TRIM71: variants seen among roughly 807,000 people sequenced by gnomAD.
TRIM71 encodes E3 ubiquitin-protein ligase TRIM71.
Under a neutral mutation model 61.2 loss-of-function variants are expected in TRIM71, and 9 were observed. The ratio of observed to expected loss-of-function variants is 0.15; its 90% confidence interval spans 0.09 to 0.26. The LOEUF is 0.26. Ranked by LOEUF, TRIM71 falls within the 10% of genes least tolerant of loss-of-function variation. The probability of loss-of-function intolerance (pLI) is 1.00; values close to 1 mark genes in which losing one functional copy is unlikely to be tolerated. For synonymous variants in TRIM71, 645 were observed against 553.2 expected (o/e 1.17, Z -2.33); for missense variants, 998 against 1,238.7 (o/e 0.81, Z 2.92).
At position 32,891,930 on chromosome 3, in the gene TRIM71, T is replaced by C. The variant is rs905254250; in HGVS notation, c.*119T>C. The C allele has an allele frequency of 1.4e-6, 2 of 1,392,674 alleles. No homozygotes were observed. Among genetic ancestry groups the C allele is most frequent in the Middle Eastern group, 2.6e-4 (1 of 3,856 alleles). 86.3% of individuals were successfully genotyped at this position (1,392,674 alleles called of 1,614,324 possible). A position where few individuals can be genotyped will look rare whatever the true frequency, so the allele number is the denominator to read the frequency against. On this transcript the variant is annotated 3_prime_UTR_variant, in exon 4 of 4. Transcript: ENST00000383763. This position sits in a 1 kb window ranked among gnomAD's most constrained non-coding sequence, Gnocchi z 8.2. ...AAGAAACAGTCTCAGGGAAATTTCTTTTTTCTTTTTTTTTTTTAAAGAGAA... is the reference window on the plus strand; with the variant it reads ...AAGAAACAGTCTCAGGGAAATTTCTCTTTTCTTTTTTTTTTTTAAAGAGAA...
At chr3:32,837,078 A>G (rs1005995289) in intron 1 of TRIM71, among the ~76,000 whole-genome samples, 4 of 147,018 alleles carry the variant, frequency 2.7e-5, no homozygotes, top group African/African-American at 7.4e-5. Flanking sequence ...AACACAGGCA[A>G]ACTTGAAGTA....
intron 3 of TRIM71, among the ~76,000 whole-genome samples, chr3:32,886,816 T>C (rs1696967526): frequency 6.6e-6 from 1 of 152,206 alleles, no homozygotes; most frequent in Non-Finnish European, 1.5e-5. Flanking sequence ...CAAGTGAACT[T>C]TGCTAACTAC....
intron 2 of TRIM71, among the ~76,000 whole-genome samples, chr3:32,876,799 G>A (rs1696856659): frequency 6.6e-6 from 1 of 152,142 alleles, no homozygotes; most frequent in South Asian, 2.1e-4. Context: ...ATTAAGGAGA[G>A]CACCAACAAA....
chr3:32,831,796 C>T (rs539542801), intron 1 of TRIM71, among the ~76,000 whole-genome samples: 1 of 152,152 alleles, frequency 6.6e-6, no homozygotes, highest in East Asian at 1.9e-4. Context: ...CTTGGCCTCC[C>T]GAAGTTCTTG....
At position 32,896,459 on chromosome 3, in the gene TRIM71, T is replaced by C. The variant is rs56239180; in HGVS notation, c.*4648T>C. 1 of 152,196 alleles carries C rather than the reference T, an allele frequency of 6.6e-6. No individual in the cohort carries two copies. The highest frequency in any genetic ancestry group is 2.4e-5 in the African/African-American group (1 of 41,442). The allele number at this position is 152,196 out of a possible 1,614,324, so 9.4% of individuals were successfully genotyped here. A position where few individuals can be genotyped will look rare whatever the true frequency, so the allele number is the denominator to read the frequency against. On this transcript the variant is annotated 3_prime_UTR_variant, in exon 4 of 4. Coordinates refer to ENST00000383763, the MANE Select transcript of TRIM71 (RefSeq NM_001039111.3). ...GTTGACGGGTTTTTTTTTTCCTTGT[T>C]TATTAAATACTTGATAAAGTTGAGA...
At chr3:32,835,357 AG>A (rs1696323073) in intron 1 of TRIM71, among the ~76,000 whole-genome samples, 1 of 152,164 alleles carries the variant, frequency 6.6e-6, no homozygotes, top group African/African-American at 2.4e-5. Flanking sequence ...TCACTGTGAG[AG>A]GGTCCTCTCC....
chr3:32,891,106 G>A lies in TRIM71; in HGVS notation c.1902G>A (p.Lys634=). The A allele has an allele frequency of 6.2e-7, 1 of 1,611,572 alleles. No individual in the cohort carries two copies. The highest frequency in any genetic ancestry group is 8.5e-7 in the Non-Finnish European group (1 of 1,179,972). The stretch of plus-strand genomic sequence containing the variant: ...GCAACAACCGCATCCAGGTGTTCAA[G>A]CCCTGCGGCGCCTTCCACCACAAAT... ...DRSNNRIQVF[K]PCGAFHHKFG... is the part of the protein sequence containing the mutation. The change falls in exon 4 of 4, where the codon AAG becomes AAA. Residue 634 remains lysine, a synonymous_variant. Transcript: ENST00000383763. This position sits in a 1 kb window ranked among gnomAD's most constrained non-coding sequence, Gnocchi z 8.2.
At chr3:32,889,586 T>TATTATG (rs1271038397) in intron 3 of TRIM71, among the ~76,000 whole-genome samples, 1 of 148,130 alleles carries the variant, frequency 6.8e-6, no homozygotes, top group Non-Finnish European at 1.5e-5. Context: ...TTATTATTAT[T>TATTATG]ATTATTATTA....
chr3:32,823,445 T>C (rs973912560), intron 1 of TRIM71, among the ~76,000 whole-genome samples: 1 of 152,228 alleles, frequency 6.6e-6, no homozygotes, highest in African/African-American at 2.4e-5. Context: ...TTGTTCAGTT[T>C]CCTTCCTTTA....
At chr3:32,823,027 C>G (rs1480071884) in intron 1 of TRIM71, among the ~76,000 whole-genome samples, 1 of 152,206 alleles carries the variant, frequency 6.6e-6, no homozygotes, top group Non-Finnish European at 1.5e-5. Flanking sequence ...TCAACCTGCT[C>G]TACACTACTG....
rs1697096074 is a variant in TRIM71, at chr3:32,897,798, T to G, written c.*5987T>G. On this transcript the variant is annotated 3_prime_UTR_variant, in exon 4 of 4. Transcript: ENST00000383763. ...TGCAGCTTATTTTATTTTTGTTTAA[T>G]CAAATAAACGAGGGTTTTTCCATGG... 6.6e-6 allele frequency: 1 copy of G among 152,168 alleles called. No homozygotes were observed. The highest frequency in any genetic ancestry group is 2.1e-4 in the South Asian group (1 of 4,832). The allele number at this position is 152,168 out of a possible 1,614,324, so 9.4% of individuals were successfully genotyped here.
At position 32,818,653 on chromosome 3, in the gene TRIM71, G is replaced by A. The variant is rs781165303; in HGVS notation, c.573G>A (p.Leu191=). ...GCCCTGCCGCTTCCCCGTCGGCGCT[G>A]CTGCTCCGCCGTCCTCACGGCTGCA... is the stretch of plus-strand genomic sequence containing the variant. ...PGGPAASPSA[L]LLRRPHGCSS... Residue 191 remains leucine (L), a synonymous_variant, in exon 1 of 4, where the codon CTG becomes CTA. Transcript: ENST00000383763. 7 of 1,494,986 alleles carry A rather than the reference G, an allele frequency of 4.7e-6. No homozygotes were observed. The South Asian group carries it at 7.5e-5, about 16-fold the overall frequency. 92.6% of individuals were successfully genotyped at this position (1,494,986 alleles called of 1,614,324 possible).
chr3:32,821,718 G>T (rs552532127), intron 1 of TRIM71, among the ~76,000 whole-genome samples: 3 of 152,148 alleles, frequency 2.0e-5, no homozygotes, highest in African/African-American at 7.2e-5. Flanking sequence ...GGAATCCAAG[G>T]CGAGGAATCC....
At chr3:32,856,006 A>T (rs1696599682) in intron 1 of TRIM71, among the ~76,000 whole-genome samples, 1 of 151,678 alleles carries the variant, frequency 6.6e-6, no homozygotes, top group South Asian at 2.1e-4. Flanking sequence ...TTATTTATTT[A>T]TTTATTTATT....
At chr3:32,856,432 C>G (rs1176661857) in intron 1 of TRIM71, among the ~76,000 whole-genome samples, 1 of 152,068 alleles carries the variant, frequency 6.6e-6, no homozygotes, top group African/African-American at 2.4e-5. Flanking sequence ...TACATCTCAG[C>G]TGGCCTTATT....
intron 1 of TRIM71, among the ~76,000 whole-genome samples, chr3:32,831,570 G>A (rs964427743): frequency 8.0e-6 from 1 of 125,360 alleles, no homozygotes; most frequent in Admixed American, 1.0e-4. Flanking sequence ...ACAGAGTCTC[G>A]CTGGGATGCC....
At chr3:32,869,358 C>T (rs1315055042) in intron 1 of TRIM71, among the ~76,000 whole-genome samples, 1 of 152,236 alleles carries the variant, frequency 6.6e-6, no homozygotes, top group Non-Finnish European at 1.5e-5. Flanking sequence ...TTAGTTGAGA[C>T]ATTTCGATGA....
At chr3:32,861,100 G>A (rs778914381) in intron 1 of TRIM71, among the ~76,000 whole-genome samples, 2 of 151,898 alleles carry the variant, frequency 1.3e-5, no homozygotes, top group Non-Finnish European at 2.9e-5. Context: ...GCTTGATCCC[G>A]GGAGGCAGAG....
At chr3:32,823,087 C>T (rs1426581874) in intron 1 of TRIM71, among the ~76,000 whole-genome samples, 1 of 152,168 alleles carries the variant, frequency 6.6e-6, no homozygotes, top group Admixed American at 6.5e-5. Flanking sequence ...GCTGGAAAAC[C>T]AAACCTAACT....
Sources: allele counts gnomAD v4.1 joint callset (sites outside exome capture counted in the v4.1 genomes callset), GRCh38; gene constraint gnomAD v4.1.1; non-coding constraint Gnocchi (gnomAD v3.1); transcripts MANE v1.5; gene names NCBI Gene and HGNC (gene_info 2026-07-23, HGNC 2026-07-21).